The following MYOM2 variants were observed in gnomAD, a reference collection of about 807,000 sequenced individuals.
The protein encoded by MYOM2 is myomesin 2.
In MYOM2, 254 loss-of-function variants were observed where a neutral mutation model predicts 187.6. That is an observed-to-expected ratio of 1.35 (90% CI 1.22 to 1.50). The LOEUF is 1.50. Ranked by LOEUF, MYOM2 falls within the 40% of genes most tolerant of loss-of-function variation. The pLI, the probability that MYOM2 is intolerant of heterozygous loss-of-function variation, is 0.00. For synonymous variants in MYOM2, 981 were observed against 753.8 expected (o/e 1.30, Z -4.94); for missense variants, 2,796 against 1,924.0 (o/e 1.45, Z -8.48).
Position 2,111,048 on chromosome 8 carries a change from T to G in MYOM2, c.3180+1517T>G, listed in dbSNP as rs78386557. On this transcript the variant is annotated intron_variant, in intron 25 of 36. Transcript: ENST00000262113. ...ATCCAGGTAATTGGAGAAATCTTCTTTGAGCAGAGACCATGCTATGAAATG... is the reference window on the plus strand; with the variant it reads ...ATCCAGGTAATTGGAGAAATCTTCTGTGAGCAGAGACCATGCTATGAAATG... 5.7e-3 allele frequency among the ~76,000 whole-genome samples: 868 copies of G among 152,318 alleles called. 4 individuals carry two copies. Among genetic ancestry groups the G allele is most frequent in the Non-Finnish European group, 7.4e-3 (505 of 68,024 alleles).
intron 32 of MYOM2, among the ~76,000 whole-genome samples, 184 bp from the exon 33 acceptor site, chr8:2,140,539 A>G (rs1009409700): frequency 1.3e-5 from 2 of 152,250 alleles, no homozygotes; most frequent in Admixed American, 6.5e-5. Flanking sequence ...ATTTAATTTT[A>G]GAAAGTTTTC....
intron 6 of MYOM2, among the ~76,000 whole-genome samples, chr8:2,063,009 A>C (rs529746924): frequency 2.4e-4 from 37 of 152,312 alleles, no homozygotes; most frequent in African/African-American, 8.7e-4. Flanking sequence ...ATGATCCCCT[A>C]ATATAGGTCT....
chr8:2,062,615 G>A (rs532039917), intron 6 of MYOM2, among the ~76,000 whole-genome samples: 109 of 152,274 alleles, frequency 7.2e-4, no homozygotes, highest in African/African-American at 2.5e-3. Context: ...GTTTTTCAGA[G>A]AGAAACTTTC....
At chr8:2,123,417 A>G (rs763107969) in intron 29 of MYOM2, 52 bp downstream of exon 29, 11 of 1,514,300 alleles carry the variant, frequency 7.3e-6, no homozygotes, top group Non-Finnish European at 1.0e-5. Flanking sequence ...GCACTTTCAA[A>G]TAACTCGTAA....
chr8:2,096,771 G>C (rs1351563041), intron 18 of MYOM2, among the ~76,000 whole-genome samples: 1 of 152,160 alleles, frequency 6.6e-6, no homozygotes, highest in African/African-American at 2.4e-5. Flanking sequence ...AGTCTCACAT[G>C]TGTGCCTGAG....
In MYOM2 at chr8:2,052,163, C is replaced by T; in HGVS notation, c.113C>T (p.Ala38Val). ...TCGTGTCCATGTTCCTGAAGGCGAG[C>T]TTCCACCCAGGCATCTTCCCAGAAG... is the stretch of plus-strand genomic sequence containing the variant. ...LLDEYASKKR[A>V]STQASSQKSL... Residue 38 changes from alanine (A) to valine (V), a missense_variant, in exon 3 of 37, where the codon GCT (alanine) becomes GTT (valine). Physicochemically the swap from Ala to Val is moderately conservative, Grantham distance 64 (BLOSUM62 0). Transcript: ENST00000262113. 4 of 1,613,148 alleles carry T rather than the reference C, an allele frequency of 2.5e-6. No individual in the cohort carries two copies. Among genetic ancestry groups the T allele is most frequent in the Non-Finnish European group, 3.4e-6 (4 of 1,179,648 alleles).
chr8:2,079,535 C>A (rs752033971), intron 12 of MYOM2, 25 bp from the exon 13 acceptor site: 18 of 1,612,928 alleles, frequency 1.1e-5, no homozygotes, highest in Middle Eastern at 1.6e-4. Flanking sequence ...CATGTCAAAT[C>A]GAGTGTCAAC....
At chr8:2,100,162 TTCCTTCC>T (rs1796655509) in intron 19 of MYOM2, among the ~76,000 whole-genome samples, 1 of 145,252 alleles carries the variant, frequency 6.9e-6, no homozygotes, top group Non-Finnish European at 1.5e-5. Context: ...CCTTCCTTCC[TTCCTTCC>T]TTCCTTCCTT....
chr8:2,112,870 G>T (rs567813221), intron 25 of MYOM2, among the ~76,000 whole-genome samples: 1 of 152,232 alleles, frequency 6.6e-6, no homozygotes, highest in South Asian at 2.1e-4. Flanking sequence ...TAAGGCAAGG[G>T]CTGTGAGAGG....
intron 23 of MYOM2, among the ~76,000 whole-genome samples, chr8:2,108,463 G>C (rs1397225001): frequency 6.6e-6 from 1 of 152,024 alleles, no homozygotes; most frequent in Admixed American, 6.6e-5. Flanking sequence ...TTAAGTGCAA[G>C]GATCTGGAAA....
At chr8:2,123,826 A>G (rs1370157883) in intron 30 of MYOM2, among the ~76,000 whole-genome samples, 184 bp downstream of exon 30, 2 of 152,248 alleles carry the variant, frequency 1.3e-5, no homozygotes, top group Non-Finnish European at 2.9e-5. Flanking sequence ...GTGTTTTAGA[A>G]TAATGTATGA....
At chr8:2,108,367 A>C (rs751808011) in intron 23 of MYOM2, among the ~76,000 whole-genome samples, 1 of 151,894 alleles carries the variant, frequency 6.6e-6, no homozygotes, top group Admixed American at 6.6e-5. Flanking sequence ...ATGAGATTGA[A>C]GAAGGACATC....
chr8:2,073,831 C>T (rs1260189316), intron 10 of MYOM2, among the ~76,000 whole-genome samples: 2 of 152,170 alleles, frequency 1.3e-5, no homozygotes, highest in Non-Finnish European at 2.9e-5. Context: ...GGGAACGTAG[C>T]CCGAGGATGA....
intron 33 of MYOM2, 38 bp from the exon 34 acceptor site, chr8:2,141,103 C>A (rs1798259121): frequency 1.3e-6 from 2 of 1,586,824 alleles, no homozygotes; most frequent in African/African-American, 2.7e-5. Flanking sequence ...AATCTGAACA[C>A]TGAAATGGTT....
At chr8:2,080,102 C>T (rs1391540951) in intron 13 of MYOM2, among the ~76,000 whole-genome samples, 2 of 152,138 alleles carry the variant, frequency 1.3e-5, no homozygotes, top group African/African-American at 4.8e-5. Context: ...TTTCTTCTTC[C>T]TGATTTTCCT....
chr8:2,086,196 CTGCGTGGCCCCACTGTCATGATCTCTTTG>C lies in MYOM2; in HGVS notation c.1644+809_1644+837del, dbSNP rs1270331433. Among the ~76,000 whole-genome samples, 80 of 33,992 alleles carry C rather than the reference CTGCGTGGCCCCACTGTCATGATCTCTTTG, an allele frequency of 2.4e-3. 24 individuals carry two copies. Among genetic ancestry groups the C allele is most frequent in the South Asian group, 0.01 (5 of 496 alleles). The allele number at this position is 33,992 out of a possible 152,430, so 22.3% of individuals were successfully genotyped here. A position where few individuals can be genotyped will look rare whatever the true frequency, so the allele number is the denominator to read the frequency against. ...CTGCGTGGCCCCACTGTCATGATCT[CTGCGTGGCCCCACTGTCATGATCTCTTTG>C]TGGCCCCCCACTGTTGTGATCTTTG... On this transcript the variant is annotated intron_variant, in intron 14 of 36. Coordinates refer to ENST00000262113, the MANE Select transcript of MYOM2 (RefSeq NM_003970.4).
chr8:2,056,326 G>A (rs1818662277), intron 3 of MYOM2, among the ~76,000 whole-genome samples: 1 of 152,140 alleles, frequency 6.6e-6, no homozygotes, highest in Non-Finnish European at 1.5e-5. Context: ...TCCCAAGAGG[G>A]GAGCAGAACA....
chr8:2,094,331 T>TTAGAGGTTACATG (rs11269166), intron 17 of MYOM2, among the ~76,000 whole-genome samples: 44,613 of 151,952 alleles, frequency 0.29, 7,871 homozygotes, highest in African/African-American at 0.5. Context: ...GAAAACATTG[T>TTAGAGGTTACATG]TGTTGCCAAA....
intron 32 of MYOM2, 28 bp from the exon 33 acceptor site, chr8:2,140,695 C>G (rs748585027): frequency 6.2e-6 from 10 of 1,610,838 alleles, no homozygotes; most frequent in African/African-American, 5.3e-5. Flanking sequence ...GACCCTAACT[C>G]AGATACGTTC....
Sources: allele counts gnomAD v4.1 joint callset (sites outside exome capture counted in the v4.1 genomes callset), GRCh38; gene constraint gnomAD v4.1.1; transcripts MANE v1.5; gene names NCBI Gene and HGNC (gene_info 2026-07-23, HGNC 2026-07-21).